CERT1: variants seen among roughly 807,000 people sequenced by gnomAD.
CERT1 encodes ceramide transfer protein.
CERT1 carries 31 observed loss-of-function variants against 87.9 expected under a neutral mutation model. The observed-to-expected ratio is 0.35, with a 90% CI of 0.27 to 0.48. CERT1 has a LOEUF of 0.48. CERT1 is among the 20% of genes least tolerant of loss of function. CERT1 has a pLI of 0.99. For synonymous variants in CERT1, 289 were observed against 250.9 expected (o/e 1.15, Z -1.44); for missense variants, 487 against 758.0 (o/e 0.64, Z 4.20).
At chr5:75,506,516 T>C (rs1561311584) in intron 1 of CERT1, among the ~76,000 whole-genome samples, 1 of 152,224 alleles carries the variant, frequency 6.6e-6, no homozygotes, top group Non-Finnish European at 1.5e-5. Flanking sequence ...TGTTCAGTTA[T>C]GTATGTAGTC....
chr5:75,373,123 T>C (rs992251371), downstream of CERT1: 3 of 152,270 alleles, frequency 2.0e-5, no homozygotes, highest in African/African-American at 7.2e-5. Flanking sequence ...CTGAAGTTTC[T>C]GATCAAAAGG....
chr5:75,433,741 C>T (rs1238181303), intron 3 of CERT1, among the ~76,000 whole-genome samples: 1 of 152,116 alleles, frequency 6.6e-6, no homozygotes, highest in Non-Finnish European at 1.5e-5. Context: ...AGTCTAGTCT[C>T]CAACTCCTGG....
At chr5:75,494,988 A>G (rs766687620) in intron 2 of CERT1, among the ~76,000 whole-genome samples, 3 of 152,206 alleles carry the variant, frequency 2.0e-5, no homozygotes, top group Non-Finnish European at 4.4e-5. Context: ...TTTATATGTA[A>G]GTTTTCAGGA....
At chr5:75,486,777 G>A (rs753498908) in intron 2 of CERT1, among the ~76,000 whole-genome samples, 7 of 151,980 alleles carry the variant, frequency 4.6e-5, no homozygotes, top group Non-Finnish European at 1.0e-4. Flanking sequence ...CTTAACCAAA[G>A]AAGTGAAAGA....
At chr5:75,384,176 T>C (rs1171914584) in intron 14 of CERT1, among the ~76,000 whole-genome samples, 1 of 152,204 alleles carries the variant, frequency 6.6e-6, no homozygotes, top group Admixed American at 6.5e-5. Flanking sequence ...TTATAGAAAC[T>C]AGATACTAGA....
chr5:75,511,533 A>G lies in CERT1; in HGVS notation c.-326T>C. 1 of 1,463,406 alleles carries G rather than the reference A, an allele frequency of 6.8e-7. No individual in the cohort carries two copies. The highest frequency in any genetic ancestry group is 9.0e-7 in the Non-Finnish European group (1 of 1,109,638). The allele number at this position is 1,463,406 out of a possible 1,614,324, so 90.7% of individuals were successfully genotyped here. A position where few individuals can be genotyped will look rare whatever the true frequency, so the allele number is the denominator to read the frequency against. ...CGATGCCAATTTCAAATAGGGAAGG[A>G]AAAGGGAAAAGAAGGGAAGAGAAAA... On this transcript the variant is annotated 5_prime_UTR_variant, in exon 1 of 17. Coordinates refer to ENST00000643780, the MANE Select transcript of CERT1 (RefSeq NM_001379029.1).
At chr5:75,465,116 A>G (rs1485809172) in intron 2 of CERT1, among the ~76,000 whole-genome samples, 1 of 152,154 alleles carries the variant, frequency 6.6e-6, no homozygotes, top group Non-Finnish European at 1.5e-5. Context: ...GTTTATATAT[A>G]CAATTCTGAG....
chr5:75,447,013 C>G (rs1764570700), intron 3 of CERT1, among the ~76,000 whole-genome samples: 1 of 152,186 alleles, frequency 6.6e-6, no homozygotes, highest in African/African-American at 2.4e-5. Context: ...GAGCATAGAT[C>G]CCTAGTATTT....
intron 1 of CERT1, among the ~76,000 whole-genome samples, chr5:75,509,992 T>C (rs946134457): frequency 1.3e-5 from 2 of 152,240 alleles, no homozygotes; most frequent in Admixed American, 6.5e-5. Flanking sequence ...TAGTTCTGAC[T>C]ACTCATGCCT....
At chr5:75,510,981 G>A (rs952661606) in intron 1 of CERT1, 131 bp downstream of exon 1, 1 of 1,251,166 alleles carries the variant, frequency 8.0e-7, no homozygotes. Context: ...ATCCCTAGTC[G>A]CTGCAGCAAC....
At chr5:75,448,757 A>G (rs1001245289) in intron 3 of CERT1, among the ~76,000 whole-genome samples, 3 of 152,198 alleles carry the variant, frequency 2.0e-5, no homozygotes, top group Non-Finnish European at 4.4e-5. Flanking sequence ...AAAAATTTAA[A>G]TACCACATTA....
intron 17 of CERT1, chr5:75,370,423 C>G (rs1382355912): frequency 1.3e-5 from 2 of 152,118 alleles, no homozygotes; most frequent in Admixed American, 6.5e-5. Flanking sequence ...GCATACAGCT[C>G]AATTACAAAA....
At chr5:75,470,831 A>G (rs1306507719) in intron 2 of CERT1, among the ~76,000 whole-genome samples, 1 of 152,198 alleles carries the variant, frequency 6.6e-6, no homozygotes, top group Non-Finnish European at 1.5e-5. Flanking sequence ...TTATATATAG[A>G]AAACCCTAAA....
chr5:75,443,957 A>C (rs773019742), intron 3 of CERT1, among the ~76,000 whole-genome samples: 1 of 152,182 alleles, frequency 6.6e-6, no homozygotes, highest in Non-Finnish European at 1.5e-5. Flanking sequence ...ACTATAGCTA[A>C]CCCTGCTCTC....
At chr5:75,384,531 CTT>C in intron 14 of CERT1, 109 bp downstream of exon 14, 1 of 658,890 alleles carries the variant, frequency 1.5e-6, no homozygotes, top group South Asian at 1.9e-5. Context: ...TTAATAAAGT[CTT>C]TGGATTTTTG....
chr5:75,504,578 TTATATA>T (rs950053238), intron 2 of CERT1, among the ~76,000 whole-genome samples: 1 of 152,126 alleles, frequency 6.6e-6, no homozygotes, highest in African/African-American at 2.4e-5. Context: ...ATCTGAAGTA[TTATATA>T]TATATCTTTC....
chr5:75,372,486 C>T (rs1268591629), intron 17 of CERT1: 3 of 152,140 alleles, frequency 2.0e-5, no homozygotes, highest in Admixed American at 2.0e-4. Context: ...AGCATTACCA[C>T]CATATAGGCA....
intron 3 of CERT1, among the ~76,000 whole-genome samples, chr5:75,448,720 G>A (rs2112272415): frequency 6.6e-6 from 1 of 152,292 alleles, no homozygotes; most frequent in Non-Finnish European, 1.5e-5. Context: ...CCCAGTGACT[G>A]TCAGAAATCT....
At chr5:75,491,063 A>G (rs1671327185) in intron 2 of CERT1, among the ~76,000 whole-genome samples, 1 of 152,106 alleles carries the variant, frequency 6.6e-6, no homozygotes, top group Admixed American at 6.5e-5. Context: ...ACGGGATTAG[A>G]GGAATTTTCC....
Sources: gnomAD v4.1 joint callset for allele counts (sites outside exome capture counted in the v4.1 genomes callset) on GRCh38, gnomAD v4.1.1 for gene constraint, MANE v1.5 for transcripts, NCBI Gene and HGNC (gene_info 2026-07-23, HGNC 2026-07-21) for gene names.